Variants in MEF2B observed in about 807,000 individuals in gnomAD.
The protein encoded by MEF2B is myocyte-specific enhancer factor 2B.
MEF2B carries 15 observed loss-of-function variants against 32.2 expected under a neutral mutation model. The observed-to-expected ratio is 0.47, with a 90% CI of 0.31 to 0.72. The LOEUF (loss-of-function observed/expected upper bound fraction) is 0.72, where lower values mean the gene tolerates loss of function less well. MEF2B is among the 30% of genes least tolerant of loss of function. The pLI, the probability that MEF2B is intolerant of heterozygous loss-of-function variation, is 0.05. For synonymous variants in MEF2B, 205 were observed against 225.6 expected, an observed-to-expected ratio of 0.91 and a Z score of 0.82; for missense variants, 441 against 511.5, an observed-to-expected ratio of 0.86 and a Z score of 1.33.
chr19:19,150,707 C>A lies in MEF2B; in HGVS notation c.29G>T (p.Arg10Leu). MGRKKIQIS[R>L]ILDQRNRQVT... ...CTGCCGATTCCTTTGGTCCAGGATG[C>A]GGGAGATCTGGATTTTTTTCCTCCC... Residue 10 changes from arginine to leucine, a missense_variant, in exon 2 of 9, where the codon CGC becomes CTC. Coordinates refer to ENST00000424583, the MANE Select transcript of MEF2B (RefSeq NM_001145785.2). 6.2e-7 allele frequency: 1 copy of A among 1,614,006 alleles called. No homozygotes were observed. Among genetic ancestry groups the A allele is most frequent in the Non-Finnish European group, 8.5e-7 (1 of 1,180,004 alleles).
intron 1 of MEF2B, among the ~76,000 whole-genome samples, chr19:19,160,355 C>T (rs1298242605): frequency 6.6e-6 from 1 of 151,966 alleles, no homozygotes; most frequent in East Asian, 1.9e-4. Flanking sequence ...GTCAGTACAG[C>T]ATCCTGCAAG....
At chr19:19,160,240 G>A (rs2060150366) in intron 1 of MEF2B, among the ~76,000 whole-genome samples, 1 of 152,074 alleles carries the variant, frequency 6.6e-6, no homozygotes, top group South Asian at 2.1e-4. Context: ...AAAGTGCTGG[G>A]ATTACAGGTG....
intron 4 of MEF2B, 88 bp downstream of exon 4, chr19:19,147,610 C>T: frequency 6.4e-7 from 1 of 1,558,574 alleles, no homozygotes; most frequent in Admixed American, 1.9e-5. Flanking sequence ...ATCCCTGGCT[C>T]TAAGCCCCTC....
intron 1 of MEF2B, among the ~76,000 whole-genome samples, chr19:19,165,244 T>G (rs1029916498): frequency 6.6e-5 from 10 of 151,634 alleles, no homozygotes; most frequent in African/African-American, 2.2e-4. Flanking sequence ...AAGGAAGAAA[T>G]TCAACAGGGG....
chr19:19,146,266 C>T lies in MEF2B; in HGVS notation c.881+7G>A. 1 of 1,298,786 alleles carries T rather than the reference C, an allele frequency of 7.7e-7. No homozygotes were observed. Among genetic ancestry groups the T allele is most frequent in the Non-Finnish European group, 1.0e-6 (1 of 1,003,840 alleles). 80.5% of individuals were successfully genotyped at this position (1,298,786 alleles called of 1,614,324 possible). Reference sequence around the variant, plus strand: ...ACTGGGACTTGCCGTCGTCTCAGGGCACTTACCTGGGCTGGGAGGACACGG... The same window carrying T: ...ACTGGGACTTGCCGTCGTCTCAGGGTACTTACCTGGGCTGGGAGGACACGG... On this transcript the variant is annotated splice_region_variant and intron_variant, in intron 8 of 8. Coordinates refer to ENST00000424583, the MANE Select transcript of MEF2B (RefSeq NM_001145785.2).
At position 19,146,171 on chromosome 19, in the gene MEF2B, A is replaced by T. The variant is rs970253050; in HGVS notation, c.881+102T>A. The T allele has an allele frequency of 3.5e-6, 3 of 853,048 alleles. No individual in the cohort carries two copies. In the African/African-American group the frequency reaches 5.3e-5, roughly 15 times the overall value. The allele number at this position is 853,048 out of a possible 1,614,324, so 52.8% of individuals were successfully genotyped here. A position where few individuals can be genotyped will look rare whatever the true frequency, so the allele number is the denominator to read the frequency against. ...TCTTGGGGCCTCAAAATAGCTGCCCATCCGTACCGGAAGTGTGCGCAGTAC... is the reference window on the plus strand; with the variant it reads ...TCTTGGGGCCTCAAAATAGCTGCCCTTCCGTACCGGAAGTGTGCGCAGTAC... On this transcript the variant is annotated intron_variant, in intron 8 of 8. Transcript: ENST00000424583.
chr19:19,161,682 C>T (rs905164925), intron 1 of MEF2B, among the ~76,000 whole-genome samples: 2 of 149,282 alleles, frequency 1.3e-5, no homozygotes, highest in East Asian at 2.0e-4. Context: ...TGGAGACCCC[C>T]GCCAGACGCA....
In MEF2B at chr19:19,147,080, C is replaced by T. The variant is rs1482048547; in HGVS notation, c.497G>A (p.Arg166His). ...GLGEALPAQS[R>H]PSPFRPAAPK... ...GGCTGCTGGTCGGAAGGGAGATGGGCGGCTCTGGGCGGGCAGTGCTTCCCC... is the reference window on the plus strand; with the variant it reads ...GGCTGCTGGTCGGAAGGGAGATGGGTGGCTCTGGGCGGGCAGTGCTTCCCC... The change falls in exon 5 of 9, where the codon CGC becomes CAC. Residue 166 changes from arginine (R) to histidine (H), a missense_variant. By Grantham distance (29) the Arg-to-His change is conservative. Transcript: ENST00000424583. 18 of 1,608,930 alleles carry T rather than the reference C, an allele frequency of 1.1e-5. No homozygotes were observed. The highest frequency in any genetic ancestry group is 2.1e-4 in the Middle Eastern group (1 of 4,744).
intron 1 of MEF2B, among the ~76,000 whole-genome samples, chr19:19,158,595 GAAA>G (rs112542162): frequency 7.6e-6 from 1 of 132,270 alleles, no homozygotes; most frequent in Non-Finnish European, 1.6e-5. Flanking sequence ...CTGTCTGTAG[GAAA>G]AAAAAAAAAA....
intron 1 of MEF2B, among the ~76,000 whole-genome samples, chr19:19,159,241 TAAAAAA>T (rs35056015): frequency 1.1e-5 from 1 of 88,012 alleles, no homozygotes; most frequent in Admixed American, 1.4e-4. Context: ...GTGCGTGGCC[TAAAAAA>T]AAAAAAAAAA....
intron 1 of MEF2B, among the ~76,000 whole-genome samples, chr19:19,156,034 G>A (rs1426156876): frequency 6.6e-6 from 1 of 152,210 alleles, no homozygotes; most frequent in Non-Finnish European, 1.5e-5. Flanking sequence ...GTAGTTGGAT[G>A]TAGACGCAGA....
rs767499551 is a variant in MEF2B, at chr19:19,149,414, G to A, written c.70C>T (p.Arg24Trp). 4.3e-6 allele frequency: 7 copies of A among 1,614,044 alleles called. No homozygotes were observed. Among genetic ancestry groups the A allele is most frequent in the East Asian group, 2.2e-5 (1 of 44,818 alleles). The change falls in exon 3 of 9, where the codon CGG (arginine) becomes TGG (tryptophan). Residue 24 changes from arginine (R) to tryptophan (W), a missense_variant. Physicochemically the swap from Arg to Trp is moderately radical, Grantham distance 101. This residue lies in a region of MEF2B where 115 missense variants were observed against 183.1 expected (regional missense o/e 0.63). Transcript: ENST00000424583. ...GCCTTCTTCATCAGCCCGAACTTCC[G>A]CTTGGTGAACGTCACCTGGACCCAG... Reference protein sequence around the residue: ...QRNRQVTFTKRKFGLMKKAYE... With the variant: ...QRNRQVTFTKWKFGLMKKAYE...
chr19:19,150,202 A>AGGAAGGAAGGAG (rs2060064176), intron 2 of MEF2B, among the ~76,000 whole-genome samples: 1 of 129,366 alleles, frequency 7.7e-6, no homozygotes, highest in East Asian at 2.7e-4. Flanking sequence ...GAAGGAAGGA[A>AGGAAGGAAGGAG]GGAAGGAGGG....
intron 1 of MEF2B, among the ~76,000 whole-genome samples, chr19:19,160,667 G>T (rs1415166449): frequency 6.6e-6 from 1 of 151,546 alleles, no homozygotes; most frequent in Non-Finnish European, 1.5e-5. Context: ...GCGGTGAAGC[G>T]GGGAGGGGGC....
intron 1 of MEF2B, among the ~76,000 whole-genome samples, chr19:19,169,110 T>C (rs918237737): frequency 6.6e-6 from 1 of 151,866 alleles, no homozygotes; most frequent in African/African-American, 2.4e-5. Flanking sequence ...CCCAGCACTT[T>C]GGGAGGTTGA....
chr19:19,164,080 C>T (rs576391379), intron 1 of MEF2B, among the ~76,000 whole-genome samples: 2 of 152,228 alleles, frequency 1.3e-5, no homozygotes, highest in Admixed American at 6.5e-5. Context: ...GATTCTCCTG[C>T]CTCAGCCTCC....
intron 1 of MEF2B, 147 bp from the exon 2 acceptor site, chr19:19,150,911 G>C (rs1444696207): frequency 1.0e-6 from 1 of 962,386 alleles, no homozygotes; most frequent in Admixed American, 2.3e-5. Context: ...CACTGTCGCA[G>C]ACCCCGCCCC....
At chr19:19,151,226 G>A (rs1220715505) in intron 1 of MEF2B, among the ~76,000 whole-genome samples, 4 of 152,088 alleles carry the variant, frequency 2.6e-5, no homozygotes, top group Non-Finnish European at 5.9e-5. Flanking sequence ...GCACTCCAGC[G>A]TGGGCAACAG....
chr19:19,148,708 T>C (rs1428632271), intron 3 of MEF2B, among the ~76,000 whole-genome samples: 5 of 151,298 alleles, frequency 3.3e-5, no homozygotes, highest in Admixed American at 3.3e-4. Flanking sequence ...TATTTATTTA[T>C]TTATTTATTT....
Sources: allele counts gnomAD v4.1 joint callset (sites outside exome capture counted in the v4.1 genomes callset), GRCh38; gene constraint gnomAD v4.1.1; regional missense constraint gnomAD v4.1.1; transcripts MANE v1.5; gene names NCBI Gene and HGNC (gene_info 2026-07-23, HGNC 2026-07-21).